Variants in CDH11 observed in about 807,000 individuals in gnomAD.
The protein encoded by CDH11 is cadherin-11.
CDH11 carries 11 observed loss-of-function variants against 67.8 expected under a neutral mutation model. The ratio of observed to expected loss-of-function variants is 0.16; its 90% CI spans 0.10 to 0.27. The LOEUF (loss-of-function observed/expected upper bound fraction) is 0.27, where lower values mean the gene tolerates loss of function less well. CDH11 is among the 10% of genes least tolerant of loss of function. CDH11 has a pLI of 1.00. For missense variants in CDH11, 847 were observed against 1,031.2 expected (o/e 0.82, Z 2.45); for synonymous variants, 419 against 400.0 (o/e 1.05, Z -0.57).
intron 8 of CDH11, among the ~76,000 whole-genome samples, chr16:64,979,440 A>G (rs542155386): frequency 6.6e-6 from 1 of 152,000 alleles, no homozygotes; most frequent in Non-Finnish European, 1.5e-5. Context: ...GAGTGAAACT[A>G]TGTCTCAGTA....
intron 1 of CDH11, among the ~76,000 whole-genome samples, chr16:65,085,437 G>T (rs558080615): frequency 6.6e-6 from 1 of 152,220 alleles, no homozygotes; most frequent in Non-Finnish European, 1.5e-5. Flanking sequence ...GAATCACTGG[G>T]AATATTAGCC....
chr16:65,102,802 G>A (rs369704887), intron 1 of CDH11, among the ~76,000 whole-genome samples: 1 of 152,248 alleles, frequency 6.6e-6, no homozygotes, highest in East Asian at 1.9e-4. Context: ...CTCTTAATAT[G>A]GATCCTTCTG....
intron 1 of CDH11, among the ~76,000 whole-genome samples, chr16:65,090,841 G>A (rs1392598042): frequency 1.3e-5 from 2 of 152,122 alleles, no homozygotes; most frequent in Admixed American, 6.5e-5. Flanking sequence ...GAAACAGATG[G>A]AAACTAGAGG....
Position 64,969,599 on chromosome 16 carries a change from A to C in CDH11, c.1642+1980T>G, listed in dbSNP as rs186368136. 3.0e-3 allele frequency among the ~76,000 whole-genome samples: 455 copies of C among 152,362 alleles called. 1 individual carries two copies. The highest frequency in any genetic ancestry group is 3.8e-3 in the Non-Finnish European group (260 of 68,030). ...ATTTCTTTGTCAGAAAACTGATATA[A>C]GCCTAAGCTGAAAAAATATAGCAGT... is the stretch of plus-strand genomic sequence containing the variant. On this transcript the variant is annotated intron_variant, in intron 11 of 12. Coordinates refer to ENST00000268603, the MANE Select transcript of CDH11 (RefSeq NM_001797.4).
At chr16:65,011,429 G>A (rs1025812921) in intron 2 of CDH11, among the ~76,000 whole-genome samples, 1 of 152,030 alleles carries the variant, frequency 6.6e-6, no homozygotes, top group Non-Finnish European at 1.5e-5. Context: ...TATTTTTTAA[G>A]TAAATACAAT....
intron 11 of CDH11, among the ~76,000 whole-genome samples, chr16:64,965,451 G>A (rs866319968): frequency 6.6e-6 from 1 of 152,134 alleles, no homozygotes. Flanking sequence ...ACAGGATCAG[G>A]ATTATCAGTA....
intron 3 of CDH11, among the ~76,000 whole-genome samples, chr16:65,001,266 G>A (rs568163298): frequency 3.3e-5 from 5 of 152,296 alleles, no homozygotes; most frequent in East Asian, 1.9e-4. Flanking sequence ...ATGTGTTGTC[G>A]TGAAATTATG....
At position 64,982,242 on chromosome 16, in the gene CDH11, G is replaced by A. The variant is rs2142460460; in HGVS notation, c.1059C>T (p.His353=). The A allele has an allele frequency of 1.2e-6, 2 of 1,613,402 alleles. No individual in the cohort carries two copies. Among genetic ancestry groups the A allele is most frequent in the Non-Finnish European group, 1.7e-6 (2 of 1,179,362 alleles). Residue 353 remains histidine (H), a synonymous_variant, in exon 8 of 13, where the codon CAC becomes CAT. Transcript: ENST00000268603. ...YSLKVEAANV[H]IDPKFISNGP... ...CATTGCTGATAAACTTCGGGTCGATGTGCACGTTGGCTGCCTCTACCTTCA... is the reference window on the plus strand; with the variant it reads ...CATTGCTGATAAACTTCGGGTCGATATGCACGTTGGCTGCCTCTACCTTCA...
intron 6 of CDH11, among the ~76,000 whole-genome samples, chr16:64,990,258 T>C (rs944598118): frequency 6.6e-6 from 1 of 152,136 alleles, no homozygotes; most frequent in African/African-American, 2.4e-5. Context: ...TAATGGAGCA[T>C]GCAGCTCTTT....
chr16:65,104,083 C>T (rs1035307633), intron 1 of CDH11, among the ~76,000 whole-genome samples: 1 of 152,034 alleles, frequency 6.6e-6, no homozygotes, highest in Non-Finnish European at 1.5e-5. Flanking sequence ...CATATAAAAG[C>T]TCAAAAACAA....
intron 1 of CDH11, among the ~76,000 whole-genome samples, chr16:65,109,346 A>C (rs2142877349): frequency 6.6e-6 from 1 of 152,298 alleles, no homozygotes; most frequent in African/African-American, 2.4e-5. Context: ...ACTCCCTGAA[A>C]GAGTAAAGCA....
chr16:65,041,406 T>C (rs1361972674), intron 2 of CDH11, among the ~76,000 whole-genome samples: 2 of 152,198 alleles, frequency 1.3e-5, no homozygotes, highest in Non-Finnish European at 2.9e-5. Flanking sequence ...ATTCTCTCCA[T>C]AGTATGTGCT....
chr16:65,038,327 G>C (rs563483468), intron 2 of CDH11, among the ~76,000 whole-genome samples: 2 of 152,184 alleles, frequency 1.3e-5, no homozygotes, highest in East Asian at 3.9e-4. Context: ...AAAATGTCTC[G>C]TGAAAATAAA....
chr16:65,081,675 T>C (rs1385671687), intron 1 of CDH11, among the ~76,000 whole-genome samples: 1 of 152,138 alleles, frequency 6.6e-6, no homozygotes, highest in Non-Finnish European at 1.5e-5. Flanking sequence ...ATCAATGGCT[T>C]GAACACCCCC....
chr16:65,103,845 A>T (rs982122139), intron 1 of CDH11, among the ~76,000 whole-genome samples: 1 of 152,172 alleles, frequency 6.6e-6, no homozygotes, highest in Non-Finnish European at 1.5e-5. Flanking sequence ...TTGATTATAA[A>T]CCAATAATTT....
chr16:64,996,245 T>A (rs911317587), intron 4 of CDH11, among the ~76,000 whole-genome samples: 9 of 152,242 alleles, frequency 5.9e-5, no homozygotes, highest in African/African-American at 2.2e-4. Context: ...ATCCTAGCAC[T>A]TTGGGAGGAC....
At chr16:65,095,248 T>C (rs2074868757) in intron 1 of CDH11, among the ~76,000 whole-genome samples, 1 of 152,124 alleles carries the variant, frequency 6.6e-6, no homozygotes, top group South Asian at 2.1e-4. Context: ...CATACAAAGA[T>C]ATCTCTAATC....
chr16:64,993,076 T>G, intron 4 of CDH11, 42 bp from the exon 5 acceptor site: 1 of 1,537,468 alleles, frequency 6.5e-7, no homozygotes, highest in Non-Finnish European at 9.0e-7. Flanking sequence ...CTCCTCAGAT[T>G]TTCAAATTAT....
chr16:65,034,741 T>G (rs2073717863), intron 2 of CDH11, among the ~76,000 whole-genome samples: 1 of 152,146 alleles, frequency 6.6e-6, no homozygotes, highest in African/African-American at 2.4e-5. Context: ...TTGGAAACAC[T>G]TTTACATTCC....
Sources: allele counts gnomAD v4.1 joint callset (sites outside exome capture counted in the v4.1 genomes callset), GRCh38; gene constraint gnomAD v4.1.1; transcripts MANE v1.5; gene names NCBI Gene and HGNC (gene_info 2026-07-23, HGNC 2026-07-21).